SHISA9: variants seen among roughly 807,000 people sequenced by gnomAD.
SHISA9 encodes shisa family member 9.
A neutral mutation model predicts 38.0 loss-of-function variants in SHISA9; 13 were observed. The observed-to-expected ratio is 0.34, with a 90% CI of 0.22 to 0.54. SHISA9 has a LOEUF of 0.54. Ranked by LOEUF, SHISA9 falls within the 20% of genes least tolerant of loss-of-function variation. The probability of loss-of-function intolerance (pLI) is 0.91; values close to 1 mark genes in which losing one functional copy is unlikely to be tolerated. For missense variants in SHISA9, 538 were observed against 575.8 expected (o/e 0.93, Z 0.67); for synonymous variants, 275 against 242.0 (o/e 1.14, Z -1.27).
chr16:13,169,200 C>T (rs1331438247), intron 2 of SHISA9, among the ~76,000 whole-genome samples: 1 of 152,172 alleles, frequency 6.6e-6, no homozygotes, highest in Non-Finnish European at 1.5e-5. Flanking sequence ...ATTGGAAGGT[C>T]AGTTGCAGTG....
the SHISA9 span, among the ~76,000 whole-genome samples, chr16:13,471,547 C>G: frequency 2.0e-5 from 3 of 152,104 alleles, no homozygotes; most frequent in Non-Finnish European, 2.9e-5. Context: ...CTGCACAACT[C>G]TCCCTCTTTG....
At chr16:13,241,911 G>A (rs796219748), downstream of SHISA9, among the ~76,000 whole-genome samples, 2 of 152,266 alleles carry the variant, frequency 1.3e-5, no homozygotes, top group East Asian at 3.9e-4. Flanking sequence ...TCACATCAGA[G>A]CCCCAAGAAT....
At chr16:13,465,536 G>T in the SHISA9 span, among the ~76,000 whole-genome samples, 1 of 152,182 alleles carries the variant, frequency 6.6e-6, no homozygotes, top group Non-Finnish European at 1.5e-5. Flanking sequence ...TTGGCATAAG[G>T]AGAAGTTGAA....
chr16:13,431,327 C>T, the SHISA9 span, among the ~76,000 whole-genome samples: 23 of 152,088 alleles, frequency 1.5e-4, no homozygotes, highest in African/African-American at 4.6e-4. Context: ...TCAGATGGGT[C>T]GAATAGGGAA....
At chr16:13,023,501 G>T (rs927132269) in intron 2 of SHISA9, among the ~76,000 whole-genome samples, 1 of 152,160 alleles carries the variant, frequency 6.6e-6, no homozygotes, top group Non-Finnish European at 1.5e-5. Context: ...TGTCTTTATA[G>T]TAGCATGATT....
intron 2 of SHISA9, among the ~76,000 whole-genome samples, chr16:13,171,459 A>G: frequency 6.7e-6 from 1 of 148,792 alleles, no homozygotes; most frequent in Non-Finnish European, 1.5e-5. Flanking sequence ...TGGGAGAGTG[A>G]ATGACAGGCC....
At chr16:13,305,754 G>C in the SHISA9 span, among the ~76,000 whole-genome samples, 2 of 152,210 alleles carry the variant, frequency 1.3e-5, no homozygotes, top group Non-Finnish European at 2.9e-5. Context: ...TTTGATCCCT[G>C]ACCCACAGAA....
chr16:13,513,756 A>T, the SHISA9 span, among the ~76,000 whole-genome samples: 62,047 of 152,002 alleles, frequency 0.41, 12,796 homozygotes, highest in East Asian at 0.53. Flanking sequence ...AAACACTGCA[A>T]GTTGTTGCTC....
chr16:13,065,499 C>T (rs1490585844), intron 2 of SHISA9, among the ~76,000 whole-genome samples: 2 of 152,232 alleles, frequency 1.3e-5, no homozygotes, highest in African/African-American at 4.8e-5. Context: ...GAAAAGAACA[C>T]AGTTATTTAG....
intron 2 of SHISA9, among the ~76,000 whole-genome samples, chr16:13,061,248 A>G (rs573285129): frequency 6.6e-6 from 1 of 152,340 alleles, no homozygotes; most frequent in African/African-American, 2.4e-5. Flanking sequence ...TGCTACAGCC[A>G]GCGATATAAA....
intron 2 of SHISA9, among the ~76,000 whole-genome samples, chr16:13,111,108 C>G (rs1659172166): frequency 6.6e-6 from 1 of 152,122 alleles, no homozygotes; most frequent in Admixed American, 6.5e-5. Context: ...AAAACCTAGG[C>G]AATACCATTC....
At chr16:13,530,548 A>G in the SHISA9 span, among the ~76,000 whole-genome samples, 1 of 152,090 alleles carries the variant, frequency 6.6e-6, no homozygotes, top group African/African-American at 2.4e-5. Flanking sequence ...TGTTGGTAGC[A>G]ATGACAATAA....
In SHISA9 at chr16:12,916,692, C is replaced by T. The variant is rs775344052; in HGVS notation, c.568C>T (p.Leu190Phe). The change falls in exon 2 of 5, where the codon CTT becomes TTT. Residue 190 changes from leucine to phenylalanine, a missense_variant. By Grantham distance (22) the Leu-to-Phe change is conservative. Coordinates refer to ENST00000558583, the MANE Select transcript of SHISA9 (RefSeq NM_001145204.3). Reference sequence around the variant, plus strand: ...TTAAATTCTTTCTTCTTTCAGGGCCCTTGCGGATGTCATGAGACCACAGGG... The same window carrying T: ...TTAAATTCTTTCTTCTTTCAGGGCCTTTGCGGATGTCATGAGACCACAGGG... ...RPQREHMSRALADVMRPQGHC... is the reference protein window; with the variant it reads ...RPQREHMSRAFADVMRPQGHC... 6.5e-7 allele frequency: 1 copy of T among 1,549,594 alleles called. No homozygotes were observed. Among genetic ancestry groups the T allele is most frequent in the African/African-American group, 1.4e-5 (1 of 72,858 alleles).
At chr16:13,450,077 C>G in the SHISA9 span, among the ~76,000 whole-genome samples, 1 of 152,032 alleles carries the variant, frequency 6.6e-6, no homozygotes. Flanking sequence ...AGATCGCACC[C>G]CTGCACTCCA....
chr16:13,141,062 A>G (rs1353095962), intron 2 of SHISA9, among the ~76,000 whole-genome samples: 1 of 152,164 alleles, frequency 6.6e-6, no homozygotes, highest in East Asian at 1.9e-4. Flanking sequence ...CTTTCACCGA[A>G]TCCCCTTATC....
At chr16:13,316,035 G>C in the SHISA9 span, among the ~76,000 whole-genome samples, 1 of 151,664 alleles carries the variant, frequency 6.6e-6, no homozygotes, top group African/African-American at 2.4e-5. Flanking sequence ...AAGAGAGAGA[G>C]CTTCAGATGC....
chr16:13,033,740 T>C (rs913019995), intron 2 of SHISA9, among the ~76,000 whole-genome samples: 1 of 152,152 alleles, frequency 6.6e-6, no homozygotes, highest in Non-Finnish European at 1.5e-5. Context: ...CCAGTAGATG[T>C]CCATGATAAG....
At chr16:13,549,615 G>A in the SHISA9 span, among the ~76,000 whole-genome samples, 2 of 152,028 alleles carry the variant, frequency 1.3e-5, no homozygotes, top group East Asian at 1.9e-4. Flanking sequence ...GGTCAGTCAA[G>A]GTGACACATA....
the SHISA9 span, among the ~76,000 whole-genome samples, chr16:13,392,090 T>C: frequency 6.6e-6 from 1 of 152,264 alleles, no homozygotes; most frequent in African/African-American, 2.4e-5. Flanking sequence ...ACCTGGTTTT[T>C]TCCTGGGAGG....
Sources: gnomAD v4.1 joint callset for allele counts (sites outside exome capture counted in the v4.1 genomes callset) on GRCh38, gnomAD v4.1.1 for gene constraint, MANE v1.5 for transcripts, NCBI Gene and HGNC (gene_info 2026-07-23, HGNC 2026-07-21) for gene names.